Variants in SUGCT observed in about 807,000 individuals in gnomAD.
SUGCT encodes the protein succinyl-CoA:glutarate CoA-transferase.
In SUGCT, 41 loss-of-function variants were observed where a neutral mutation model predicts 55.0. The observed-to-expected ratio is 0.74, with a 90% confidence interval of 0.58 to 0.97. The LOEUF is 0.97. Ranked by LOEUF, SUGCT falls within the 50% of genes least tolerant of loss-of-function variation. The pLI is 0.00. For missense variants in SUGCT, 568 were observed against 547.8 expected (o/e 1.04, Z -0.37); for synonymous variants, 187 against 200.4 (o/e 0.93, Z 0.56).
chr7:40,625,920 A>G (rs1423858086), intron 12 of SUGCT, among the ~76,000 whole-genome samples: 1 of 152,216 alleles, frequency 6.6e-6, no homozygotes, highest in Non-Finnish European at 1.5e-5. Context: ...CTCAGCATCA[A>G]GCATGGTGTG....
At chr7:40,889,410 A>G in the SUGCT span, among the ~76,000 whole-genome samples, 3 of 152,126 alleles carry the variant, frequency 2.0e-5, no homozygotes, top group Non-Finnish European at 2.9e-5. Flanking sequence ...TAACTTTGGC[A>G]TGGGCTTTGA....
intron 12 of SUGCT, among the ~76,000 whole-genome samples, chr7:40,497,588 G>T (rs1792052747): frequency 6.6e-6 from 1 of 152,134 alleles, no homozygotes. Context: ...TTAATGCCTG[G>T]TGATTCTTTA....
At position 40,847,407 on chromosome 7, in the gene SUGCT, CTTTCTTTTTTT is replaced by C. The variant is rs1425504774; in HGVS notation, c.1154-12905_1154-12895del. On this transcript the variant is annotated intron_variant, in intron 13 of 13. Coordinates refer to ENST00000335693, the MANE Select transcript of SUGCT (RefSeq NM_001193313.2). The stretch of plus-strand genomic sequence containing the variant: ...GATGACATATACATTTCTTTTCTTT[CTTTCTTTTTTT>C]TTTTTTTTTTTTTTTTGAGATGGAG... 4.7e-4 allele frequency among the ~76,000 whole-genome samples: 55 copies of C among 117,886 alleles called. No individual in the cohort carries two copies. In the South Asian group the frequency reaches 0.015, roughly 33 times the overall value. 77.3% of individuals were successfully genotyped at this position (117,886 alleles called of 152,430 possible). A position where few individuals can be genotyped will look rare whatever the true frequency, so the allele number is the denominator to read the frequency against.
At chr7:40,871,801 G>C in the SUGCT span, among the ~76,000 whole-genome samples, 1 of 151,906 alleles carries the variant, frequency 6.6e-6, no homozygotes, top group Non-Finnish European at 1.5e-5. Context: ...TAACCTCTTC[G>C]GGGGAGCTCA....
chr7:40,944,552 G>T, the SUGCT span, among the ~76,000 whole-genome samples: 2 of 152,132 alleles, frequency 1.3e-5, no homozygotes, highest in African/African-American at 2.4e-5. Flanking sequence ...TTTCCCCATT[G>T]CTTGTTTTTC....
chr7:40,982,730 A>C, the SUGCT span, among the ~76,000 whole-genome samples: 1 of 152,048 alleles, frequency 6.6e-6, no homozygotes, highest in Non-Finnish European at 1.5e-5. Context: ...GGCTCACTGC[A>C]GCCTTGACCT....
At chr7:40,929,614 T>A in the SUGCT span, among the ~76,000 whole-genome samples, 7 of 152,232 alleles carry the variant, frequency 4.6e-5, no homozygotes, top group Non-Finnish European at 8.8e-5. Flanking sequence ...ATTGCCATTC[T>A]AACTGGTGTG....
the SUGCT span, among the ~76,000 whole-genome samples, chr7:40,940,759 A>G: frequency 0.051 from 7,731 of 152,118 alleles, 292 homozygotes; most frequent in South Asian, 0.16. Context: ...GAATTCATTT[A>G]TCAAATCTAG....
intron 9 of SUGCT, among the ~76,000 whole-genome samples, chr7:40,345,683 T>C (rs1797271609): frequency 6.6e-6 from 1 of 152,140 alleles, no homozygotes; most frequent in Admixed American, 6.5e-5. Context: ...TTAAATGATC[T>C]GAAATCTATA....
rs541828713 is a variant in SUGCT, at chr7:40,571,362, TTTTC to T, written c.1089+74980_1089+74983del. ...TTATAGATCACTTATTCTGTTACTT[TTTTC>T]TTTGACTATGAAATTTATTGTGAGA... is the stretch of plus-strand genomic sequence containing the variant. On this transcript the variant is annotated intron_variant, in intron 12 of 13. Transcript: ENST00000335693. Among the ~76,000 whole-genome samples the T allele has an allele frequency of 1.7e-3, 257 of 152,338 alleles. 2 individuals are homozygous for T. Among genetic ancestry groups the T allele is most frequent in the African/African-American group, 5.2e-3 (216 of 41,580 alleles).
intron 9 of SUGCT, among the ~76,000 whole-genome samples, chr7:40,327,692 C>T (rs1190311937): frequency 6.6e-6 from 1 of 152,054 alleles, no homozygotes; most frequent in Non-Finnish European, 1.5e-5. Flanking sequence ...AATATATGTG[C>T]AGAACTAATG....
At chr7:40,433,842 C>T (rs1464447651) in intron 9 of SUGCT, among the ~76,000 whole-genome samples, 1 of 152,086 alleles carries the variant, frequency 6.6e-6, no homozygotes, top group Non-Finnish European at 1.5e-5. Flanking sequence ...TATTCTCCAC[C>T]TTTATTTATA....
rs1554296394 is a variant in SUGCT at position 40,249,344 on chromosome 7, T to TATAA, written c.576+11619_576+11622dup. ...ATATATATATATATATATATATATA[T>TATAA]ATAATTATATTATATAGAATATATT... On this transcript the variant is annotated intron_variant, in intron 7 of 13. Coordinates refer to ENST00000335693, the MANE Select transcript of SUGCT (RefSeq NM_001193313.2). Among the ~76,000 whole-genome samples the TATAA allele has an allele frequency of 3.0e-4, 39 of 128,082 alleles. 1 individual carries two copies. The highest frequency in any genetic ancestry group is 1.2e-3 in the African/African-American group (38 of 30,526). The allele number at this position is 128,082 out of a possible 152,430, so 84.0% of individuals were successfully genotyped here. A position where few individuals can be genotyped will look rare whatever the true frequency, so the allele number is the denominator to read the frequency against.
At chr7:40,350,838 C>A (rs1467356909) in intron 9 of SUGCT, among the ~76,000 whole-genome samples, 2 of 150,860 alleles carry the variant, frequency 1.3e-5, no homozygotes, top group East Asian at 3.9e-4. Context: ...CTCCCTGTGT[C>A]CATGTGTTTT....
At chr7:40,208,552 A>C (rs1228538668) in intron 6 of SUGCT, among the ~76,000 whole-genome samples, 1 of 152,022 alleles carries the variant, frequency 6.6e-6, no homozygotes, top group African/African-American at 2.4e-5. Context: ...TTCAAGAATA[A>C]ATTGATTCTT....
intron 12 of SUGCT, chr7:40,499,523 A>G (rs997820288): frequency 1.2e-4 from 21 of 181,788 alleles, no homozygotes; most frequent in Non-Finnish European, 1.5e-4. Context: ...TCCTCTGATT[A>G]TATGTGACAG....
intron 12 of SUGCT, among the ~76,000 whole-genome samples, chr7:40,517,515 G>A (rs931641490): frequency 6.6e-6 from 1 of 152,006 alleles, no homozygotes; most frequent in Non-Finnish European, 1.5e-5. Context: ...GGGTTAGAAG[G>A]TTCCTCTGTA....
chr7:40,377,506 G>T (rs1784665036), intron 9 of SUGCT, among the ~76,000 whole-genome samples: 1 of 151,820 alleles, frequency 6.6e-6, no homozygotes, highest in Non-Finnish European at 1.5e-5. Context: ...GCCTCCCAAA[G>T]TGCTGGAATT....
chr7:40,496,696 C>T (rs1293978667), intron 12 of SUGCT, among the ~76,000 whole-genome samples: 1 of 140,986 alleles, frequency 7.1e-6, no homozygotes, highest in Non-Finnish European at 1.5e-5. Flanking sequence ...GTTGGGTACT[C>T]AGAGACTATT....
Sources: allele counts gnomAD v4.1 joint callset (sites outside exome capture counted in the v4.1 genomes callset), GRCh38; gene constraint gnomAD v4.1.1; transcripts MANE v1.5; gene names NCBI Gene and HGNC (gene_info 2026-07-23, HGNC 2026-07-21).